Variants in UBR3 observed in about 807,000 individuals in gnomAD.
UBR3 encodes the protein E3 ubiquitin-protein ligase UBR3.
In UBR3, 85 loss-of-function variants were observed where a neutral mutation model predicts 243.2. That is an observed-to-expected ratio of 0.35 (90% CI 0.29 to 0.42). UBR3 has a LOEUF of 0.42. Ranked by LOEUF, UBR3 falls within the 10% of genes least tolerant of loss-of-function variation. The pLI is 1.00. For synonymous variants in UBR3, 748 were observed against 799.8 expected (o/e 0.94, Z 1.09); for missense variants, 1,686 against 2,300.8 (o/e 0.73, Z 5.47).
chr2:169,987,521 C>T (rs2089075136), intron 25 of UBR3, among the ~76,000 whole-genome samples: 1 of 150,750 alleles, frequency 6.6e-6, no homozygotes, highest in African/African-American at 2.4e-5. Flanking sequence ...TTTATTTGTT[C>T]AAACAGTCTG....
chr2:170,047,616 G>C (rs2091120866), intron 32 of UBR3, among the ~76,000 whole-genome samples: 1 of 152,160 alleles, frequency 6.6e-6, no homozygotes, highest in Non-Finnish European at 1.5e-5. Flanking sequence ...TGGAGGAGGA[G>C]AACAGAAGCC....
intron 32 of UBR3, among the ~76,000 whole-genome samples, chr2:170,048,517 A>G (rs553871090): frequency 2.0e-5 from 3 of 152,290 alleles, no homozygotes; most frequent in East Asian, 1.9e-4. Context: ...TAGCCACCCT[A>G]TTTAGCATAA....
intron 20 of UBR3, among the ~76,000 whole-genome samples, chr2:169,945,763 C>T (rs1026129515): frequency 5.3e-5 from 8 of 152,094 alleles, no homozygotes; most frequent in Non-Finnish European, 1.0e-4. Context: ...ATTGAGTAAT[C>T]TATAGGTCAG....
chr2:169,895,911 A>G (rs1396558640), intron 7 of UBR3, among the ~76,000 whole-genome samples: 2 of 152,126 alleles, frequency 1.3e-5, no homozygotes, highest in Non-Finnish European at 2.9e-5. Context: ...GTAGGTTAGG[A>G]GAGACACTTT....
chr2:169,878,427 A>C (rs2083698819), intron 4 of UBR3, 98 bp from the exon 5 acceptor site: 2 of 1,272,994 alleles, frequency 1.6e-6, no homozygotes, highest in African/African-American at 3.0e-5. Context: ...TAACGTAACA[A>C]AACTTAGCTT....
At chr2:169,891,613 G>GACACACACACAC (rs3082964) in intron 6 of UBR3, among the ~76,000 whole-genome samples, 3,009 of 148,866 alleles carry the variant, frequency 0.02, 95 homozygotes, top group African/African-American at 0.067. Flanking sequence ...GAGAGACAGA[G>GACACACACACAC]ACACACACAC....
intron 31 of UBR3, among the ~76,000 whole-genome samples, chr2:170,031,045 T>C (rs908454626): frequency 2.6e-5 from 4 of 152,118 alleles, no homozygotes; most frequent in Non-Finnish European, 5.9e-5. Context: ...TCCTCCCATC[T>C]GGGCCTCCCC....
At chr2:169,979,478 G>A (rs1284853656) in intron 24 of UBR3, among the ~76,000 whole-genome samples, 1 of 152,098 alleles carries the variant, frequency 6.6e-6, no homozygotes, top group Non-Finnish European at 1.5e-5. Context: ...ATTTATAATT[G>A]CTCAGAATTG....
At chr2:169,977,505 A>G (rs1057436920) in intron 24 of UBR3, among the ~76,000 whole-genome samples, 3 of 152,168 alleles carry the variant, frequency 2.0e-5, no homozygotes, top group Admixed American at 6.5e-5. Context: ...CAAACCCCCA[A>G]GAGTCTTTTG....
intron 37 of UBR3, 89 bp from the exon 38 acceptor site, chr2:170,080,456 G>C: frequency 1.6e-6 from 2 of 1,234,924 alleles, no homozygotes; most frequent in South Asian, 3.6e-5. Context: ...TTAAATCACT[G>C]TATTATTTAG....
At chr2:170,046,041 A>G (rs1232319911) in intron 32 of UBR3, among the ~76,000 whole-genome samples, 2 of 147,970 alleles carry the variant, frequency 1.4e-5, no homozygotes, top group East Asian at 3.9e-4. Flanking sequence ...ATCTCAGCTC[A>G]CTGCAACCTC....
chr2:170,036,412 G>A (rs2105428257), intron 31 of UBR3, among the ~76,000 whole-genome samples: 1 of 152,126 alleles, frequency 6.6e-6, no homozygotes, highest in Non-Finnish European at 1.5e-5. Flanking sequence ...TGATGTGCTA[G>A]GAAAGATCCA....
intron 38 of UBR3, among the ~76,000 whole-genome samples, chr2:170,081,428 A>C (rs1253801313): frequency 6.6e-6 from 1 of 152,122 alleles, no homozygotes; most frequent in East Asian, 1.9e-4. Flanking sequence ...TGAACTCGGG[A>C]GGCGGAGCTT....
rs567577615 is a variant in UBR3 at position 169,995,390 on chromosome 2, G to A, written c.3918+934G>A. On this transcript the variant is annotated intron_variant, in intron 26 of 38. Transcript: ENST00000272793. Reference sequence around the variant, plus strand: ...ACTTTCTCAAATGTATGCATACTCCGCATTTATTTCAGTGTTTCGTATTAG... The same window carrying A: ...ACTTTCTCAAATGTATGCATACTCCACATTTATTTCAGTGTTTCGTATTAG... Among the ~76,000 whole-genome samples the A allele has an allele frequency of 6.3e-4, 96 of 152,136 alleles. 1 individual carries two copies. The South Asian group carries it at 0.019, about 30-fold the overall frequency.
intron 1 of UBR3, among the ~76,000 whole-genome samples, chr2:169,855,937 C>G (rs1326126751): frequency 6.7e-6 from 1 of 150,022 alleles, no homozygotes; most frequent in South Asian, 2.1e-4. Flanking sequence ...GGCAGAGGCG[C>G]CCCCCACCTC....
In UBR3 at chr2:170,033,594, C is replaced by G. The variant is rs931914020; in HGVS notation, c.4556+4146C>G. ...TTTTCCACACCCACCCCCCCCCCCCCCAATATTTGCTCTCATTTTTATGGT... is the reference window on the plus strand; with the variant it reads ...TTTTCCACACCCACCCCCCCCCCCCGCAATATTTGCTCTCATTTTTATGGT... On this transcript the variant is annotated intron_variant, in intron 31 of 38. Transcript: ENST00000272793. Among the ~76,000 whole-genome samples the G allele has an allele frequency of 3.8e-5, 4 of 106,182 alleles. 1 individual carries two copies. The highest frequency in any genetic ancestry group is 5.6e-5 in the Non-Finnish European group (3 of 53,178). 69.7% of individuals were successfully genotyped at this position (106,182 alleles called of 152,430 possible). A position where few individuals can be genotyped will look rare whatever the true frequency, so the allele number is the denominator to read the frequency against.
intron 1 of UBR3, among the ~76,000 whole-genome samples, chr2:169,836,772 T>G (rs190435684): frequency 1.8e-3 from 270 of 152,296 alleles, no homozygotes; most frequent in African/African-American, 6.2e-3. Flanking sequence ...TCATATGTTT[T>G]GGGGCCATTT....
intron 24 of UBR3, chr2:169,965,010 G>C (rs1185264381): frequency 2.2e-6 from 1 of 455,896 alleles, no homozygotes; most frequent in Non-Finnish European, 4.4e-6. Context: ...GTTTATGTTG[G>C]CCATGGCCAC....
intron 14 of UBR3, 61 bp from the exon 15 acceptor site, chr2:169,926,631 T>C (rs1285321434): frequency 6.9e-7 from 1 of 1,443,126 alleles, no homozygotes; most frequent in Non-Finnish European, 9.3e-7. Flanking sequence ...TAGAAAAACA[T>C]GATTAATAGA....
Sources: gnomAD v4.1 joint callset for allele counts (sites outside exome capture counted in the v4.1 genomes callset) on GRCh38, gnomAD v4.1.1 for gene constraint, MANE v1.5 for transcripts, NCBI Gene and HGNC (gene_info 2026-07-23, HGNC 2026-07-21) for gene names.